PYHIN1: variants seen among roughly 807,000 people sequenced by gnomAD.
PYHIN1 encodes pyrin and HIN domain family member 1.
A neutral mutation model predicts 43.7 loss-of-function variants in PYHIN1; 32 were observed. That is an observed-to-expected ratio of 0.73 (90% CI 0.55 to 0.98). The LOEUF is 0.98. Among genes scored for constraint, PYHIN1 ranks in the 50% least tolerant of loss-of-function variants. The pLI, the probability that PYHIN1 is intolerant of heterozygous loss-of-function variation, is 0.00. For missense variants in PYHIN1, 588 were observed against 589.5 expected (o/e 1.00, Z 0.03); for synonymous variants, 205 against 203.1 (o/e 1.01, Z -0.08).
the PYHIN1 span, among the ~76,000 whole-genome samples, chr1:158,988,238 T>G: frequency 6.6e-6 from 1 of 152,192 alleles, no homozygotes; most frequent in African/African-American, 2.4e-5. Flanking sequence ...GGTATTATTG[T>G]AACAAATACT....
intron 1 of PYHIN1, among the ~76,000 whole-genome samples, chr1:158,932,532 C>A (rs1648222912): frequency 6.6e-6 from 1 of 152,138 alleles, no homozygotes; most frequent in Non-Finnish European, 1.5e-5. Flanking sequence ...AAAAACACAT[C>A]TAGACATACA....
chr1:158,981,178 T>A (rs1311853365), downstream of PYHIN1, among the ~76,000 whole-genome samples: 1 of 152,200 alleles, frequency 6.6e-6, no homozygotes, highest in African/African-American at 2.4e-5. Context: ...CTAGATTGAT[T>A]CCATGTCATT....
chr1:158,964,860 A>T (rs925816129), intron 7 of PYHIN1, among the ~76,000 whole-genome samples: 1 of 152,172 alleles, frequency 6.6e-6, no homozygotes, highest in Non-Finnish European at 1.5e-5. Context: ...TAACAACACA[A>T]TGACAGGATC....
chr1:158,980,751 A>G (rs1651457221), downstream of PYHIN1, among the ~76,000 whole-genome samples: 1 of 152,142 alleles, frequency 6.6e-6, no homozygotes, highest in Non-Finnish European at 1.5e-5. Context: ...ATAGACGCTT[A>G]TCAGTGGTTC....
the PYHIN1 span, among the ~76,000 whole-genome samples, chr1:158,982,530 TTG>T: frequency 6.6e-6 from 1 of 152,174 alleles, no homozygotes; most frequent in African/African-American, 2.4e-5. Context: ...CCATGCTACT[TTG>T]GTGACTGTAA....
At chr1:158,942,605 C>A (rs565405621) in intron 5 of PYHIN1, among the ~76,000 whole-genome samples, 3 of 152,238 alleles carry the variant, frequency 2.0e-5, no homozygotes, top group Admixed American at 6.5e-5. Flanking sequence ...AAAATATCAC[C>A]CTGAAGTTCT....
intron 1 of PYHIN1, among the ~76,000 whole-genome samples, chr1:158,936,310 G>A (rs1429336417): frequency 1.4e-5 from 2 of 147,940 alleles, no homozygotes; most frequent in African/African-American, 5.0e-5. Context: ...AACATGCGGT[G>A]TTTGGTTTTT....
chr1:158,982,460 G>A, the PYHIN1 span, among the ~76,000 whole-genome samples: 1 of 152,080 alleles, frequency 6.6e-6, no homozygotes, highest in African/African-American at 2.4e-5. Flanking sequence ...TAGGTGTGCA[G>A]CTTTATTTCT....
intron 7 of PYHIN1, among the ~76,000 whole-genome samples, chr1:158,968,016 T>C (rs1460386068): frequency 2.0e-5 from 3 of 152,018 alleles, no homozygotes; most frequent in Admixed American, 1.3e-4. Context: ...GAAAATACCA[T>C]TCTGGATATA....
At chr1:158,971,218 C>G (rs1181719906) in intron 7 of PYHIN1, among the ~76,000 whole-genome samples, 1 of 151,910 alleles carries the variant, frequency 6.6e-6, no homozygotes, top group African/African-American at 2.4e-5. Context: ...CTTCCATCTC[C>G]TTAAGGACAA....
intron 8 of PYHIN1, 74 bp from the exon 9 acceptor site, chr1:158,976,627 C>A: frequency 9.3e-7 from 1 of 1,075,160 alleles, no homozygotes; most frequent in Non-Finnish European, 1.4e-6. Context: ...GGAGGAGAGG[C>A]AGTGTGATTG....
chr1:158,942,335 A>C lies in PYHIN1; in HGVS notation c.938A>C (p.Lys313Thr). 1 of 1,613,084 alleles carries C rather than the reference A, an allele frequency of 6.2e-7. No homozygotes were observed. The highest frequency in any genetic ancestry group is 2.2e-5 in the East Asian group (1 of 44,864). Residue 313 changes from lysine to threonine, a missense_variant, in exon 5 of 9, where the codon AAG (lysine) becomes ACG (threonine). Coordinates refer to ENST00000368140, the MANE Select transcript of PYHIN1 (RefSeq NM_152501.5). ...ATCAGAAGAGCAAAGAAAATTCCGA[A>C]GATCAATATTCTTCACAAACAAACT... ...DIIRRAKKIP[K>T]INILHKQTSG...
chr1:158,935,548 G>A (rs936776169), intron 1 of PYHIN1, among the ~76,000 whole-genome samples: 12 of 152,244 alleles, frequency 7.9e-5, no homozygotes, highest in Admixed American at 5.2e-4. Flanking sequence ...AAATGTAGAT[G>A]TTCAGGAAAG....
At chr1:158,946,326 A>G (rs540379649) in intron 7 of PYHIN1, among the ~76,000 whole-genome samples, 15 of 152,288 alleles carry the variant, frequency 9.8e-5, no homozygotes, top group African/African-American at 3.6e-4. Context: ...GGTAAAAAAA[A>G]TCAGTGAAAA....
chr1:158,951,428 C>A (rs1002493435), intron 7 of PYHIN1, among the ~76,000 whole-genome samples: 10 of 152,114 alleles, frequency 6.6e-5, no homozygotes, highest in Non-Finnish European at 1.5e-4. Flanking sequence ...CAAGGTTCTG[C>A]AATAAATAGA....
intron 7 of PYHIN1, among the ~76,000 whole-genome samples, chr1:158,966,910 G>A (rs1327630671): frequency 2.6e-5 from 4 of 152,078 alleles, no homozygotes; most frequent in African/African-American, 9.7e-5. Flanking sequence ...TAGGAAAAGA[G>A]AAAGTCAAAC....
At chr1:158,946,577 A>C (rs1323840666) in intron 7 of PYHIN1, among the ~76,000 whole-genome samples, 2 of 151,222 alleles carry the variant, frequency 1.3e-5, no homozygotes, top group Non-Finnish European at 1.5e-5. Context: ...ATAGATAGAT[A>C]GATAGATAGA....
intron 7 of PYHIN1, among the ~76,000 whole-genome samples, chr1:158,955,694 T>C (rs1649873119): frequency 9.8e-6 from 1 of 102,102 alleles, no homozygotes; most frequent in Non-Finnish European, 2.0e-5. Context: ...TTAAAAGAAC[T>C]AGAAAAGCAA....
At chr1:158,961,556 T>C (rs997846191) in intron 7 of PYHIN1, among the ~76,000 whole-genome samples, 5 of 151,000 alleles carry the variant, frequency 3.3e-5, no homozygotes, top group African/African-American at 9.8e-5. Flanking sequence ...CCATGGAGAA[T>C]AGAGAAGAGT....
Sources: allele counts gnomAD v4.1 joint callset (sites outside exome capture counted in the v4.1 genomes callset), GRCh38; gene constraint gnomAD v4.1.1; transcripts MANE v1.5; gene names NCBI Gene and HGNC (gene_info 2026-07-23, HGNC 2026-07-21).